The following RFPL4A variants were observed in gnomAD, a reference collection of about 807,000 sequenced individuals.
The protein encoded by RFPL4A is ret finger protein like 4A, also known as ret finger protein-like 4A.
RFPL4A carries 4 observed loss-of-function variants against 8.3 expected under a neutral mutation model. The ratio of observed to expected loss-of-function variants is 0.48; its 90% CI spans 0.24 to 1.10. The LOEUF is 1.10. Among genes scored for constraint, RFPL4A ranks in the 50% least tolerant of loss-of-function variants. RFPL4A has a pLI of 0.18. For synonymous variants in RFPL4A, 43 were observed against 136.6 expected, an observed-to-expected ratio of 0.31 and a Z score of 4.78; for missense variants, 111 against 358.7, an observed-to-expected ratio of 0.31 and a Z score of 5.58.
intron 1 of RFPL4A, among the ~76,000 whole-genome samples, chr19:55,760,301 A>T (rs1432275207): frequency 6.6e-6 from 1 of 151,492 alleles, no homozygotes; most frequent in Non-Finnish European, 1.5e-5. Flanking sequence ...TCTGGATGCC[A>T]GAGAGACCCC....
chr19:55,758,838 ATTAATT>A (rs1377377630), upstream of RFPL4A, among the ~76,000 whole-genome samples: 4 of 150,118 alleles, frequency 2.7e-5, no homozygotes, highest in African/African-American at 5.0e-5. Flanking sequence ...TACGATTTTA[ATTAATT>A]TTAATTAATT....
At chr19:55,759,077 A>C (rs1165427622), upstream of RFPL4A, 4 of 140,894 alleles carry the variant, frequency 2.8e-5, no homozygotes, top group East Asian at 1.9e-4. Flanking sequence ...GGGTGGAGAC[A>C]CCCTCTGGTA....
rs1184081352 is a variant in RFPL4A, at chr19:55,761,724, C to A, written c.-9-68C>A. 13 of 1,457,560 alleles carry A rather than the reference C, an allele frequency of 8.9e-6. No individual in the cohort carries two copies. In the African/African-American group the frequency reaches 1.2e-4, roughly 14 times the overall value. 90.3% of individuals were successfully genotyped at this position (1,457,560 alleles called of 1,614,324 possible). On this transcript the variant is annotated intron_variant, in intron 1 of 2. Transcript: ENST00000434937. ...GCTCCATGCATGTAAAGATAAAAGC[C>A]CCAAACACTATCAGCTGTTCATTCA...
chr19:55,757,616 C>T (rs542929964), upstream of RFPL4A, among the ~76,000 whole-genome samples: 198 of 152,064 alleles, frequency 1.3e-3, no homozygotes, highest in African/African-American at 4.6e-3. Flanking sequence ...TAGAAGCCAG[C>T]GGAGCTGCTT....
At chr19:55,758,368 T>C (rs1335242974), upstream of RFPL4A, among the ~76,000 whole-genome samples, 1 of 152,276 alleles carries the variant, frequency 6.6e-6, no homozygotes, top group African/African-American at 2.4e-5. Context: ...CTTTCCCACC[T>C]GACCTCCAGT....
chr19:55,760,341 C>T (rs1177895965), intron 1 of RFPL4A, among the ~76,000 whole-genome samples: 1 of 151,516 alleles, frequency 6.6e-6, no homozygotes, highest in Admixed American at 6.6e-5. Context: ...GTTCTGGATG[C>T]TGTCGGGAGA....
upstream of RFPL4A, among the ~76,000 whole-genome samples, chr19:55,757,296 C>G (rs57857732): frequency 0.025 from 3,727 of 150,980 alleles, 159 homozygotes; most frequent in African/African-American, 0.086. Context: ...ACGGGTGCAG[C>G]AAGCCCACAT....
chr19:55,758,155 C>T (rs1045861606), upstream of RFPL4A, among the ~76,000 whole-genome samples: 4 of 152,024 alleles, frequency 2.6e-5, no homozygotes, highest in Non-Finnish European at 5.9e-5. Context: ...TGAAGAAATG[C>T]AATGTGCAAG....
At chr19:55,759,851 C>A (rs1342100073) in intron 1 of RFPL4A, among the ~76,000 whole-genome samples, 1 of 151,540 alleles carries the variant, frequency 6.6e-6, no homozygotes, top group Non-Finnish European at 1.5e-5. Context: ...CCCATCATGC[C>A]CTCGGCCTTC....
upstream of RFPL4A, among the ~76,000 whole-genome samples, chr19:55,758,217 G>A (rs1172511016): frequency 6.6e-6 from 1 of 152,296 alleles, no homozygotes; most frequent in African/African-American, 2.4e-5. Flanking sequence ...TTCTCCATTT[G>A]CCTTCATGAG....
chr19:55,759,462 A>G (rs2122388406), intron 1 of RFPL4A, among the ~76,000 whole-genome samples: 1 of 151,674 alleles, frequency 6.6e-6, no homozygotes, highest in East Asian at 1.9e-4. Context: ...ACTCAACGTC[A>G]GGTTTTCCTA....
chr19:55,759,673 C>T (rs1488600377), intron 1 of RFPL4A, among the ~76,000 whole-genome samples: 3 of 151,596 alleles, frequency 2.0e-5, no homozygotes, highest in African/African-American at 7.3e-5. Flanking sequence ...CCACCTCTTC[C>T]AGGATGGGGA....
chr19:55,759,749 C>A (rs2122389089), intron 1 of RFPL4A, among the ~76,000 whole-genome samples: 1 of 151,404 alleles, frequency 6.6e-6, no homozygotes, highest in East Asian at 2.0e-4. Flanking sequence ...AGTGCAGTGG[C>A]TATTTTCTGA....
At chr19:55,761,255 CAT>C (rs1989276358) in intron 1 of RFPL4A, among the ~76,000 whole-genome samples, 1 of 138,644 alleles carries the variant, frequency 7.2e-6, no homozygotes, top group Non-Finnish European at 1.6e-5. Context: ...CCAATAGAAA[CAT>C]AAGATAACCC....
chr19:55,760,258 C>A (rs1010696859), intron 1 of RFPL4A, among the ~76,000 whole-genome samples: 2 of 151,498 alleles, frequency 1.3e-5, no homozygotes, highest in South Asian at 4.2e-4. Context: ...AATATCTCAT[C>A]GCGGTTTTGT....
chr19:55,758,736 T>A (rs1437025153), upstream of RFPL4A, among the ~76,000 whole-genome samples: 1 of 151,422 alleles, frequency 6.6e-6, no homozygotes, highest in Non-Finnish European at 1.5e-5. Flanking sequence ...CCTCTTTTAT[T>A]GAAATGTGAA....
intron 1 of RFPL4A, among the ~76,000 whole-genome samples, chr19:55,759,954 T>C (rs10417100): frequency 0.012 from 1,809 of 151,788 alleles, 64 homozygotes; most frequent in South Asian, 0.049. Context: ...GTTTCTCTCA[T>C]AGACTCTGGG....
Position 55,761,850 on chromosome 19 carries a change from A to C in RFPL4A, c.50A>C (p.Asp17Ala), listed in dbSNP as rs1433166650. ...QIIRCPVCLK[D>A]LEEAVQLKCG... ...ATTAGATGTCCTGTCTGTCTAAAAG[A>C]TCTTGAAGAAGCCGTGCAACTGAAA... The change falls in exon 2 of 3, where the codon GAT becomes GCT. Residue 17 changes from aspartate to alanine, a missense_variant. Coordinates refer to ENST00000434937, the MANE Select transcript of RFPL4A (RefSeq NM_001145014.2). The C allele has an allele frequency of 6.7e-7, 1 of 1,489,454 alleles. No individual in the cohort carries two copies. The allele number at this position is 1,489,454 out of a possible 1,614,324, so 92.3% of individuals were successfully genotyped here. A position where few individuals can be genotyped will look rare whatever the true frequency, so the allele number is the denominator to read the frequency against.
Position 55,762,872 on chromosome 19 carries a change from G to A in RFPL4A, c.561G>A (p.Leu187=), listed in dbSNP as rs1171790880. 3.3e-6 allele frequency: 5 copies of A among 1,525,324 alleles called. No homozygotes were observed. Among genetic ancestry groups the A allele is most frequent in the Non-Finnish European group, 4.4e-6 (5 of 1,126,916 alleles). The allele number at this position is 1,525,324 out of a possible 1,614,324, so 94.5% of individuals were successfully genotyped here. A position where few individuals can be genotyped will look rare whatever the true frequency, so the allele number is the denominator to read the frequency against. ...TGCTTTCTTCAGAACACGGCTTCTT[G>A]ACTGTGGGTTGCAGAGAAGGAAAGG... ...KIVLSSEHGF[L]TVGCREGKVF... is the part of the protein sequence containing the mutation. Residue 187 remains leucine, a synonymous_variant, in exon 3 of 3, where the codon TTG becomes TTA. Coordinates refer to ENST00000434937, the MANE Select transcript of RFPL4A (RefSeq NM_001145014.2).
Sources: allele counts gnomAD v4.1 joint callset (sites outside exome capture counted in the v4.1 genomes callset), GRCh38; gene constraint gnomAD v4.1.1; transcripts MANE v1.5; gene names NCBI Gene and HGNC (gene_info 2026-07-23, HGNC 2026-07-21).